The following CNBD1 variants were observed in gnomAD, a reference collection of about 807,000 sequenced individuals.
The protein encoded by CNBD1 is cyclic nucleotide-binding domain-containing protein 1.
CNBD1 carries 71 observed loss-of-function variants against 54.4 expected under a neutral mutation model. The ratio of observed to expected loss-of-function variants is 1.30; its 90% CI spans 1.08 to 1.59. The LOEUF is 1.59. Among genes scored for constraint, CNBD1 ranks in the 40% most tolerant of loss-of-function variants. The pLI is 0.00. For missense variants in CNBD1, 659 were observed against 518.0 expected (o/e 1.27, Z -2.64); for synonymous variants, 182 against 170.7 (o/e 1.07, Z -0.51).
intron 10 of CNBD1, among the ~76,000 whole-genome samples, chr8:87,364,142 A>G (rs2130939895): frequency 6.6e-6 from 1 of 151,824 alleles, no homozygotes; most frequent in Middle Eastern, 3.4e-3. Context: ...AACATTTTGA[A>G]CATCTTGCTG....
intron 4 of CNBD1, among the ~76,000 whole-genome samples, chr8:86,940,373 G>C (rs984121805): frequency 6.6e-6 from 1 of 152,030 alleles, no homozygotes; most frequent in African/African-American, 2.4e-5. Context: ...CACCATGTTG[G>C]CCAGGGTGGT....
At chr8:87,195,809 G>A (rs1429690280) in intron 4 of CNBD1, among the ~76,000 whole-genome samples, 1 of 151,902 alleles carries the variant, frequency 6.6e-6, no homozygotes, top group Non-Finnish European at 1.5e-5. Flanking sequence ...CTGACCTCAA[G>A]TGATCTGCCT....
At chr8:87,232,206 T>C (rs1455242833) in intron 5 of CNBD1, among the ~76,000 whole-genome samples, 2 of 152,170 alleles carry the variant, frequency 1.3e-5, no homozygotes, top group African/African-American at 4.8e-5. Flanking sequence ...TTTATAGAGT[T>C]CAGCTATTAT....
intron 3 of CNBD1, among the ~76,000 whole-genome samples, chr8:86,918,625 T>C (rs551761376): frequency 2.0e-5 from 3 of 151,994 alleles, no homozygotes; most frequent in African/African-American, 7.2e-5. Flanking sequence ...TCTAATTCTG[T>C]CTTCTGTGCT....
intron 3 of CNBD1, among the ~76,000 whole-genome samples, chr8:86,928,235 C>A (rs1426894448): frequency 1.3e-5 from 2 of 152,082 alleles, no homozygotes; most frequent in African/African-American, 4.8e-5. Flanking sequence ...AGTAGGAAGT[C>A]ATTTGTGAGA....
intron 4 of CNBD1, among the ~76,000 whole-genome samples, chr8:87,132,332 A>G (rs1361452569): frequency 6.6e-6 from 1 of 151,754 alleles, no homozygotes; most frequent in African/African-American, 2.4e-5. Context: ...ACTAATTGTG[A>G]TAATACCTAA....
At chr8:87,223,703 C>T (rs1258442336) in intron 5 of CNBD1, among the ~76,000 whole-genome samples, 10 of 152,046 alleles carry the variant, frequency 6.6e-5, no homozygotes, top group Middle Eastern at 3.4e-3. Context: ...AATAAACATA[C>T]GTGTGCATGT....
rs532795825 is a variant in CNBD1 at position 87,265,004 on chromosome 8, A to T, written c.772-19674A>T. Among the ~76,000 whole-genome samples, 17 of 152,272 alleles carry T rather than the reference A, an allele frequency of 1.1e-4. No homozygotes were observed. The South Asian group carries it at 3.3e-3, about 30-fold the overall frequency. On this transcript the variant is annotated intron_variant, in intron 6 of 10. Transcript: ENST00000518476. Reference sequence around the variant, plus strand: ...TGCTGTGCAGAAGCTCTTTAGCTTAATTAGATCCCCTTTGTCAATTTTGGC... The same window carrying T: ...TGCTGTGCAGAAGCTCTTTAGCTTATTTAGATCCCCTTTGTCAATTTTGGC...
At chr8:87,328,036 G>T (rs1809722947) in intron 8 of CNBD1, among the ~76,000 whole-genome samples, 2 of 151,652 alleles carry the variant, frequency 1.3e-5, no homozygotes, top group South Asian at 2.1e-4. Context: ...TGTTCCATAG[G>T]TATATATATA....
intron 8 of CNBD1, among the ~76,000 whole-genome samples, chr8:87,312,814 A>G (rs1035161221): frequency 1.3e-5 from 2 of 152,060 alleles, no homozygotes; most frequent in Non-Finnish European, 2.9e-5. Flanking sequence ...GGGTCAGTAC[A>G]GGGCAGCCAT....
intron 4 of CNBD1, among the ~76,000 whole-genome samples, chr8:87,119,616 C>T (rs1416610993): frequency 6.6e-6 from 1 of 151,890 alleles, no homozygotes; most frequent in Non-Finnish European, 1.5e-5. Context: ...CCCAGAATTA[C>T]GTCGAATAGG....
chr8:87,012,535 C>T (rs753708665), intron 4 of CNBD1, among the ~76,000 whole-genome samples: 4 of 152,240 alleles, frequency 2.6e-5, no homozygotes, highest in Non-Finnish European at 4.4e-5. Flanking sequence ...TAGAGAAACC[C>T]CTACCCCTTT....
chr8:86,884,841 T>C (rs1052065803), intron 1 of CNBD1, among the ~76,000 whole-genome samples: 8 of 152,226 alleles, frequency 5.3e-5, no homozygotes, highest in African/African-American at 9.6e-5. Flanking sequence ...CCATTTATCA[T>C]TGGATTAATT....
rs189609775 is a variant in CNBD1 at position 86,926,531 on chromosome 8, C to T, written c.273-13065C>T. 2.6e-4 allele frequency among the ~76,000 whole-genome samples: 39 copies of T among 152,282 alleles called. No homozygotes were observed. The East Asian group carries it at 3.3e-3, about 13-fold the overall frequency. On this transcript the variant is annotated intron_variant, in intron 3 of 10. Transcript: ENST00000518476. ...TGTCATGGGACCTAGAAAGGGGAGA[C>T]GCCATGTCACCCAACTCCAGAGGTT...
At chr8:87,281,818 G>T (rs1435756409) in intron 6 of CNBD1, among the ~76,000 whole-genome samples, 2 of 150,794 alleles carry the variant, frequency 1.3e-5, no homozygotes, top group African/African-American at 2.4e-5. Context: ...TAATCCTATA[G>T]GTTAGAGGAC....
intron 8 of CNBD1, among the ~76,000 whole-genome samples, chr8:87,331,872 T>C (rs932463001): frequency 2.0e-5 from 3 of 152,206 alleles, no homozygotes; most frequent in African/African-American, 7.2e-5. Context: ...TTTTGAGAAG[T>C]GTCTGTTCAT....
intron 8 of CNBD1, among the ~76,000 whole-genome samples, chr8:87,316,148 A>G (rs1489913220): frequency 1.4e-4 from 22 of 152,080 alleles, no homozygotes; most frequent in Non-Finnish European, 1.5e-5. Context: ...GGTTTAATAA[A>G]TAAAGCATAA....
intron 4 of CNBD1, among the ~76,000 whole-genome samples, chr8:87,081,094 C>T (rs1586242701): frequency 6.6e-6 from 1 of 151,740 alleles, no homozygotes; most frequent in East Asian, 1.9e-4. Context: ...TGGAGGTTTA[C>T]ATTATTGATT....
chr8:87,376,399 C>G (rs368774534), intron 10 of CNBD1, among the ~76,000 whole-genome samples: 6 of 151,870 alleles, frequency 4.0e-5, no homozygotes, highest in African/African-American at 1.4e-4. Flanking sequence ...TAATTACTTG[C>G]CAGAAGAAAC....
Sources: gnomAD v4.1 joint callset for allele counts (sites outside exome capture counted in the v4.1 genomes callset) on GRCh38, gnomAD v4.1.1 for gene constraint, MANE v1.5 for transcripts, NCBI Gene and HGNC (gene_info 2026-07-23, HGNC 2026-07-21) for gene names.